The following PCDHGB3 variants were observed in gnomAD, a reference collection of about 807,000 sequenced individuals.
PCDHGB3 encodes the protein protocadherin gamma subfamily B, 3, also known as protocadherin gamma-B3.
Under a neutral mutation model 59.2 loss-of-function variants are expected in PCDHGB3, and 40 were observed. That is an observed-to-expected ratio of 0.68 (90% CI 0.52 to 0.88). The LOEUF (loss-of-function observed/expected upper bound fraction) is 0.88, where lower values mean the gene tolerates loss of function less well. Ranked by LOEUF, PCDHGB3 falls within the 40% of genes least tolerant of loss-of-function variation. The pLI is 0.00. For missense variants in PCDHGB3, 1,309 were observed against 1,187.9 expected, an observed-to-expected ratio of 1.10 and a Z score of -1.50; for synonymous variants, 581 against 503.6, an observed-to-expected ratio of 1.15 and a Z score of -2.06.
chr5:141,384,601 C>G lies in PCDHGB3; in HGVS notation c.2415+11792C>G, dbSNP rs1780261198. On this transcript the variant is annotated intron_variant, in intron 1 of 3. Coordinates refer to ENST00000576222, the MANE Select transcript of PCDHGB3 (RefSeq NM_018924.5). The stretch of plus-strand genomic sequence containing the variant: ...GCCCGAGATCCTGTACCCGGCCCTC[C>G]CCACAGATGGTTCTACTGGCATGGA... The G allele has an allele frequency of 2.5e-6, 4 of 1,614,240 alleles. No homozygotes were observed. The East Asian group carries it at 8.9e-5, about 36-fold the overall frequency.
intron 1 of PCDHGB3, among the ~76,000 whole-genome samples, chr5:141,397,331 TA>T (rs1194266776): frequency 2.0e-5 from 3 of 152,214 alleles, no homozygotes; most frequent in Non-Finnish European, 4.4e-5. Flanking sequence ...AAATTATTTT[TA>T]TAAAGAATGT....
chr5:141,487,001 C>T lies in PCDHGB3; in HGVS notation c.2416-7806C>T. ...TTACAATGCTTGGGTTTCCTATCAG[C>T]TCCTGGAGGCCCCAGATCCCAGCCT... On this transcript the variant is annotated intron_variant, in intron 1 of 3. Transcript: ENST00000576222. This position sits in a 1 kb window ranked among gnomAD's most constrained non-coding sequence, Gnocchi z 5.0. 6.2e-7 allele frequency: 1 copy of T among 1,614,218 alleles called. No individual in the cohort carries two copies. The highest frequency in any genetic ancestry group is 8.5e-7 in the Non-Finnish European group (1 of 1,180,038).
intron 1 of PCDHGB3, among the ~76,000 whole-genome samples, chr5:141,405,668 G>A (rs1468042334): frequency 6.6e-6 from 1 of 152,100 alleles, no homozygotes; most frequent in Non-Finnish European, 1.5e-5. Context: ...AGTAGAGACG[G>A]GGTGTCACCA....
At chr5:141,434,431 T>C (rs931458644) in intron 1 of PCDHGB3, among the ~76,000 whole-genome samples, 2 of 152,186 alleles carry the variant, frequency 1.3e-5, no homozygotes, top group African/African-American at 2.4e-5. Context: ...ATGATGGCCG[T>C]AATGCCCATG....
chr5:141,468,939 G>A (rs2099186103), intron 1 of PCDHGB3, among the ~76,000 whole-genome samples: 1 of 144,350 alleles, frequency 6.9e-6, no homozygotes, highest in Non-Finnish European at 1.5e-5. Context: ...ATGGGAGATG[G>A]GGTAAACCTG....
intron 1 of PCDHGB3, among the ~76,000 whole-genome samples, chr5:141,450,682 T>C (rs112841569): frequency 0.042 from 6,384 of 151,996 alleles, 168 homozygotes; most frequent in Middle Eastern, 0.086. Context: ...AAACGGGGTT[T>C]TGCCATGTTG....
At chr5:141,419,723 C>G (rs373666366) in intron 1 of PCDHGB3, 1 of 1,613,174 alleles carries the variant, frequency 6.2e-7, no homozygotes, top group African/African-American at 1.3e-5. Context: ...CCTGGGGCTG[C>G]GAACAGGCGA....
In PCDHGB3 at chr5:141,476,254, T is replaced by C; in HGVS notation, c.2416-18553T>C. 1.2e-6 allele frequency: 2 copies of C among 1,613,820 alleles called. No individual in the cohort carries two copies. Among genetic ancestry groups the C allele is most frequent in the Non-Finnish European group, 8.5e-7 (1 of 1,179,976 alleles). On this transcript the variant is annotated intron_variant, in intron 1 of 3. Transcript: ENST00000576222. The surrounding 1 kb of genome is among the most constrained non-coding windows in gnomAD (Gnocchi z 7.6). ...CGGAGGAAAGAGAGAAGGGTTTCGCTGTGGGCAACGTGGTCGCGAACCTTG... is the reference window on the plus strand; with the variant it reads ...CGGAGGAAAGAGAGAAGGGTTTCGCCGTGGGCAACGTGGTCGCGAACCTTG...
intron 1 of PCDHGB3, chr5:141,421,426 A>T: frequency 1.2e-6 from 2 of 1,614,104 alleles, no homozygotes; most frequent in Non-Finnish European, 8.5e-7. Flanking sequence ...CGGAGTCCGC[A>T]TCGTCTCCAG....
chr5:141,431,991 A>T lies in PCDHGB3; in HGVS notation c.2415+59182A>T, dbSNP rs1046547219. On this transcript the variant is annotated intron_variant, in intron 1 of 3. Transcript: ENST00000576222. The surrounding 1 kb of genome is among the most constrained non-coding windows in gnomAD (Gnocchi z 4.8). ...AGTTTAGTCACAGACATAGTCTTGG[A>T]TAGGGAACAGGTTCCTAGCTACAAC... is the stretch of plus-strand genomic sequence containing the variant. 5 of 1,614,100 alleles carry T rather than the reference A, an allele frequency of 3.1e-6. No individual in the cohort carries two copies. Among genetic ancestry groups the T allele is most frequent in the Non-Finnish European group, 3.4e-6 (4 of 1,180,050 alleles).
chr5:141,483,432 ACT>A (rs2099581241), intron 1 of PCDHGB3, among the ~76,000 whole-genome samples: 1 of 152,200 alleles, frequency 6.6e-6, no homozygotes, highest in African/African-American at 2.4e-5. Flanking sequence ...GAGGGAGCTG[ACT>A]ACAATAAAAT....
chr5:141,411,079 T>C (rs1178503371), intron 1 of PCDHGB3: 2 of 154,384 alleles, frequency 1.3e-5, no homozygotes, highest in African/African-American at 2.4e-5. Flanking sequence ...CAGAAACTCC[T>C]GTCCTCGTGA....
chr5:141,437,794 G>A (rs1162440523), intron 1 of PCDHGB3, among the ~76,000 whole-genome samples: 3 of 150,526 alleles, frequency 2.0e-5, no homozygotes, highest in Non-Finnish European at 4.4e-5. Flanking sequence ...CTGGAGTGCA[G>A]TGGCACTATC....
chr5:141,399,465 G>T, intron 1 of PCDHGB3: 1 of 1,614,014 alleles, frequency 6.2e-7, no homozygotes, highest in Non-Finnish European at 8.5e-7. Context: ...ATAACGCTCC[G>T]GTTTTCCACC....
intron 1 of PCDHGB3, chr5:141,478,470 G>A (rs753075137): frequency 1.2e-6 from 2 of 1,613,686 alleles, no homozygotes; most frequent in Non-Finnish European, 1.7e-6. Context: ...CTGGCCAGCC[G>A]CCAGAACACG....
intron 1 of PCDHGB3, chr5:141,413,489 G>A (rs937434384): frequency 1.9e-6 from 3 of 1,614,036 alleles, no homozygotes; most frequent in Admixed American, 1.7e-5. Context: ...CAGAGCGCGC[G>A]GTGCGTGGTG....
chr5:141,414,434 C>A (rs774467993), intron 1 of PCDHGB3: 2 of 1,613,822 alleles, frequency 1.2e-6, no homozygotes, highest in Non-Finnish European at 8.5e-7. Flanking sequence ...GAACAGGTAT[C>A]CTCTTACAAT....
chr5:141,487,459 T>A lies in PCDHGB3; in HGVS notation c.2416-7348T>A. The A allele has an allele frequency of 1.2e-6, 2 of 1,614,102 alleles. No homozygotes were observed. Among genetic ancestry groups the A allele is most frequent in the Non-Finnish European group, 1.7e-6 (2 of 1,180,008 alleles). On this transcript the variant is annotated intron_variant, in intron 1 of 3. Transcript: ENST00000576222. The surrounding 1 kb of genome is among the most constrained non-coding windows in gnomAD (Gnocchi z 5.0). ...TAGGGTCAGATGACCCTATCAAGTT[T>A]GTTGATGTGGGAGGCCACTCTCATG...
At chr5:141,481,193 A>AT (rs1437708630) in intron 1 of PCDHGB3, among the ~76,000 whole-genome samples, 4 of 152,216 alleles carry the variant, frequency 2.6e-5, no homozygotes, top group African/African-American at 7.2e-5. Context: ...GCCAGGCCCA[A>AT]TTTTTTTAAA....
Sources: gnomAD v4.1 joint callset for allele counts (sites outside exome capture counted in the v4.1 genomes callset) on GRCh38, gnomAD v4.1.1 for gene constraint, Gnocchi (gnomAD v3.1) non-coding constraint, MANE v1.5 for transcripts, NCBI Gene and HGNC (gene_info 2026-07-23, HGNC 2026-07-21) for gene names.